The following PRKCA variants were observed in gnomAD, a reference collection of about 807,000 sequenced individuals.
PRKCA encodes the protein protein kinase C alpha type.
PRKCA carries 27 observed loss-of-function variants against 87.0 expected under a neutral mutation model. The observed-to-expected ratio is 0.31, with a 90% CI of 0.23 to 0.43. PRKCA has a LOEUF of 0.43. PRKCA is among the 20% of genes least tolerant of loss of function. The pLI is 1.00. For missense variants in PRKCA, 518 were observed against 852.3 expected (o/e 0.61, Z 4.88); for synonymous variants, 329 against 311.1 (o/e 1.06, Z -0.61).
chr17:66,363,990 C>G (rs535009686), intron 2 of PRKCA: 1 of 152,320 alleles, frequency 6.6e-6, no homozygotes, highest in African/African-American at 2.4e-5. Flanking sequence ...CATGAGTCAC[C>G]GTGCCTGGCC....
intron 2 of PRKCA, among the ~76,000 whole-genome samples, chr17:66,374,110 G>T (rs913827033): frequency 3.0e-4 from 45 of 152,248 alleles, no homozygotes; most frequent in African/African-American, 9.9e-4. Context: ...GATGGGCCAG[G>T]GAGGGAGGGC....
chr17:66,504,545 T>C (rs965700997), intron 3 of PRKCA, among the ~76,000 whole-genome samples: 4 of 151,190 alleles, frequency 2.6e-5, no homozygotes, highest in South Asian at 2.1e-4. Context: ...TGAGCCAAGA[T>C]TGCACCATTG....
At chr17:66,368,358 G>GTGTATATATA (rs1908864169) in intron 2 of PRKCA, among the ~76,000 whole-genome samples, 4 of 42,570 alleles carry the variant, frequency 9.4e-5, no homozygotes, top group African/African-American at 3.8e-4. Context: ...GTGTGTGTGT[G>GTGTATATATA]TATATGTATA....
At chr17:66,705,947 C>T (rs1398325721) in intron 8 of PRKCA, among the ~76,000 whole-genome samples, 1 of 152,138 alleles carries the variant, frequency 6.6e-6, no homozygotes, top group Non-Finnish European at 1.5e-5. Flanking sequence ...ATTAAGATTG[C>T]CTGTCCCTGG....
At chr17:66,521,201 T>C (rs1363752985) in intron 3 of PRKCA, among the ~76,000 whole-genome samples, 1 of 152,156 alleles carries the variant, frequency 6.6e-6, no homozygotes, top group East Asian at 1.9e-4. Context: ...CTCTTGCAAG[T>C]ATATTCACAG....
At chr17:66,763,770 C>A (rs1974737500) in intron 13 of PRKCA, among the ~76,000 whole-genome samples, 1 of 152,006 alleles carries the variant, frequency 6.6e-6, no homozygotes, top group South Asian at 2.1e-4. Flanking sequence ...ATACATACAG[C>A]ACAAAAATGA....
chr17:66,617,120 A>T (rs1466217056), intron 3 of PRKCA, among the ~76,000 whole-genome samples: 1 of 152,186 alleles, frequency 6.6e-6, no homozygotes, highest in Non-Finnish European at 1.5e-5. Flanking sequence ...AATAATGAAA[A>T]ATGTGAGACG....
rs776344262 is a variant in PRKCA at position 66,568,179 on chromosome 17, T to A, written c.288+71896T>A. Among the ~76,000 whole-genome samples, 3 of 152,086 alleles carry A rather than the reference T, an allele frequency of 2.0e-5. No homozygotes were observed. In the South Asian group the frequency reaches 6.2e-4, roughly 32 times the overall value. Reference sequence around the variant, plus strand: ...AAATTATAAAATTAGCTGGGCATGGTGGCACACACCTGTAATCCCAGCTGC... The same window carrying A: ...AAATTATAAAATTAGCTGGGCATGGAGGCACACACCTGTAATCCCAGCTGC... On this transcript the variant is annotated intron_variant, in intron 3 of 16. Transcript: ENST00000413366.
intron 3 of PRKCA, among the ~76,000 whole-genome samples, chr17:66,550,387 A>G (rs1426514196): frequency 1.3e-5 from 2 of 152,154 alleles, no homozygotes; most frequent in African/African-American, 2.4e-5. Context: ...GCAGTGGTCC[A>G]TGTCTGTAAT....
At chr17:66,516,489 C>T (rs1966975166) in intron 3 of PRKCA, among the ~76,000 whole-genome samples, 2 of 152,016 alleles carry the variant, frequency 1.3e-5, no homozygotes, top group South Asian at 2.1e-4. Context: ...AAAAATTAGC[C>T]AGGCGTGATG....
chr17:66,637,679 C>T (rs1971182018), intron 3 of PRKCA, among the ~76,000 whole-genome samples: 1 of 152,172 alleles, frequency 6.6e-6, no homozygotes, highest in Non-Finnish European at 1.5e-5. Flanking sequence ...TCACCTCGCA[C>T]CAGTGACACA....
At chr17:66,485,728 C>G (rs916450330) in intron 2 of PRKCA, among the ~76,000 whole-genome samples, 1 of 152,118 alleles carries the variant, frequency 6.6e-6, no homozygotes, top group Non-Finnish European at 1.5e-5. Flanking sequence ...GAAACAAGTC[C>G]TGTTCCACTA....
At chr17:66,386,039 TGA>T (rs554718865) in intron 2 of PRKCA, among the ~76,000 whole-genome samples, 71 of 152,254 alleles carry the variant, frequency 4.7e-4, no homozygotes, top group Middle Eastern at 3.4e-3. Context: ...GGATTACAGG[TGA>T]GAGCCACCGC....
At chr17:66,352,487 C>G (rs997591563) in intron 2 of PRKCA, among the ~76,000 whole-genome samples, 4 of 147,540 alleles carry the variant, frequency 2.7e-5, no homozygotes, top group Non-Finnish European at 5.9e-5. Context: ...TTCTGGTTAG[C>G]TTTAGGGCAG....
chr17:66,437,292 G>A (rs367674076), intron 2 of PRKCA, among the ~76,000 whole-genome samples: 2 of 152,250 alleles, frequency 1.3e-5, no homozygotes, highest in South Asian at 2.1e-4. Flanking sequence ...CCAGGGGAAG[G>A]CACAGGCTGA....
At chr17:66,565,073 C>T (rs969105137) in intron 3 of PRKCA, among the ~76,000 whole-genome samples, 25 of 152,200 alleles carry the variant, frequency 1.6e-4, no homozygotes, top group African/African-American at 5.8e-4. Context: ...TCCCGGTTCT[C>T]ATTCTGGTCC....
intron 16 of PRKCA, among the ~76,000 whole-genome samples, chr17:66,794,228 A>G (rs1005324732): frequency 6.6e-6 from 1 of 152,214 alleles, no homozygotes; most frequent in Non-Finnish European, 1.5e-5. Flanking sequence ...TACTTTAAGT[A>G]TTCTGTTTTT....
chr17:66,433,524 A>G (rs1353072737), intron 2 of PRKCA, among the ~76,000 whole-genome samples: 3 of 152,092 alleles, frequency 2.0e-5, no homozygotes, highest in Non-Finnish European at 2.9e-5. Flanking sequence ...CCAGCTCAGA[A>G]GTTGATCTGA....
intron 11 of PRKCA, 118 bp from the exon 12 acceptor site, chr17:66,741,541 T>G (rs1974158985): frequency 5.6e-6 from 6 of 1,063,778 alleles, no homozygotes; most frequent in South Asian, 3.0e-5. Flanking sequence ...GATGCTGGTC[T>G]CTGAGAGCCT....
Sources: allele counts gnomAD v4.1 joint callset (sites outside exome capture counted in the v4.1 genomes callset), GRCh38; gene constraint gnomAD v4.1.1; transcripts MANE v1.5; gene names NCBI Gene and HGNC (gene_info 2026-07-23, HGNC 2026-07-21).